DPYD: variants seen among roughly 807,000 people sequenced by gnomAD.
The protein encoded by DPYD is dihydropyrimidine dehydrogenase [NADP(+)].
Under a neutral mutation model 116.2 loss-of-function variants are expected in DPYD, and 109 were observed. The ratio of observed to expected loss-of-function variants is 0.94; its 90% CI spans 0.80 to 1.10. The LOEUF (loss-of-function observed/expected upper bound fraction) is 1.10. Ranked by LOEUF, DPYD falls within the 50% of genes least tolerant of loss-of-function variation. DPYD has a pLI of 0.00. For missense variants in DPYD, 1,302 were observed against 1,254.5 expected (o/e 1.04, Z -0.57); for synonymous variants, 440 against 432.0 (o/e 1.02, Z -0.23).
At chr1:97,543,635 G>A (rs1049679048) in intron 12 of DPYD, among the ~76,000 whole-genome samples, 2 of 152,004 alleles carry the variant, frequency 1.3e-5, no homozygotes, top group Admixed American at 6.6e-5. Context: ...AGACATTACA[G>A]AAATTTTTTT....
chr1:97,252,712 C>T (rs1356816906), intron 18 of DPYD, among the ~76,000 whole-genome samples: 1 of 152,084 alleles, frequency 6.6e-6, no homozygotes, highest in Admixed American at 6.6e-5. Context: ...TAGAAGTCAA[C>T]AGAAATCATA....
rs368752956 is a variant in DPYD at position 97,864,521 on chromosome 1, C to T, written c.150+18743G>A. ...TCTAGTAGGCATCTCTCTCTTTTTT[C>T]TCTCTCTCTCCCCTCCTCCCCCCAC... On this transcript the variant is annotated intron_variant, in intron 2 of 22. Coordinates refer to ENST00000370192, the MANE Select transcript of DPYD (RefSeq NM_000110.4). Among the ~76,000 whole-genome samples, 11 of 151,478 alleles carry T rather than the reference C, an allele frequency of 7.3e-5. No individual in the cohort carries two copies. In the East Asian group the frequency reaches 1.2e-3, roughly 16 times the overall value.
intron 16 of DPYD, among the ~76,000 whole-genome samples, chr1:97,331,777 G>A (rs1669022307): frequency 1.3e-5 from 2 of 152,146 alleles, no homozygotes; most frequent in South Asian, 2.1e-4. Context: ...TAGTGTTTTT[G>A]TTGTTGTTCA....
intron 16 of DPYD, among the ~76,000 whole-genome samples, chr1:97,346,885 A>G (rs1020085001): frequency 6.6e-6 from 1 of 151,902 alleles, no homozygotes; most frequent in African/African-American, 2.4e-5. Context: ...CCAAGTTAAT[A>G]TATGTTAAGT....
chr1:97,544,075 A>T (rs961407176), intron 12 of DPYD, among the ~76,000 whole-genome samples: 5 of 152,178 alleles, frequency 3.3e-5, no homozygotes, highest in African/African-American at 7.2e-5. Context: ...AGTAAAAGTC[A>T]TTGAAGGGTT....
intron 13 of DPYD, among the ~76,000 whole-genome samples, chr1:97,503,812 T>C (rs536495374): frequency 1.3e-5 from 2 of 152,116 alleles, no homozygotes; most frequent in East Asian, 3.9e-4. Context: ...AATCTCTATA[T>C]GCAAATAGTT....
chr1:97,838,474 G>T (rs943547316), intron 2 of DPYD, among the ~76,000 whole-genome samples: 7 of 152,204 alleles, frequency 4.6e-5, no homozygotes, highest in East Asian at 1.9e-4. Flanking sequence ...AACAGAGTCA[G>T]ATTTTTCAAG....
At chr1:97,221,206 TTAA>T (rs1424590769) in intron 19 of DPYD, among the ~76,000 whole-genome samples, 1 of 152,180 alleles carries the variant, frequency 6.6e-6, no homozygotes, top group Admixed American at 6.6e-5. Context: ...GAATCAGCAA[TTAA>T]TAAGTGAAAG....
intron 20 of DPYD, among the ~76,000 whole-genome samples, chr1:97,173,202 G>C (rs530528689): frequency 7.0e-6 from 1 of 142,174 alleles, no homozygotes. Context: ...GTATATATGT[G>C]TACATATATA....
chr1:97,714,655 CAAAAAAAAA>C (rs1193831747), intron 5 of DPYD, among the ~76,000 whole-genome samples: 1 of 49,928 alleles, frequency 2.0e-5, no homozygotes, highest in South Asian at 7.2e-4. Context: ...AAAGAAAAGA[CAAAAAAAAA>C]AAAAAAAAAA....
At chr1:97,418,927 A>G (rs1674430873) in intron 14 of DPYD, among the ~76,000 whole-genome samples, 1 of 152,338 alleles carries the variant, frequency 6.6e-6, no homozygotes, top group African/African-American at 2.4e-5. Flanking sequence ...AAGTATACTG[A>G]AAAAAGGAAA....
At chr1:97,106,182 A>G (rs1346143636) in intron 20 of DPYD, among the ~76,000 whole-genome samples, 1 of 152,122 alleles carries the variant, frequency 6.6e-6, no homozygotes, top group Non-Finnish European at 1.5e-5. Context: ...TAGTGGTAGG[A>G]AAGTGAACTA....
In DPYD at chr1:97,721,599, T is replaced by A. The variant is rs538336580; in HGVS notation, c.394A>T (p.Thr132Ser). ...CATCCACCTACACAAAGATCAGAGG[T>A]TGGACATACCATTCCACAAGTCAGA... The part of the protein sequence containing the change: ...LGLTCGMVCP[T>S]SDLCVGGCNL... Residue 132 changes from threonine to serine, a missense_variant, in exon 5 of 23, where the codon ACC becomes TCC. Physicochemically the swap from Thr to Ser is moderately conservative, Grantham distance 58. Transcript: ENST00000370192. 4.3e-6 allele frequency: 7 copies of A among 1,611,902 alleles called. No homozygotes were observed. In the South Asian group the frequency reaches 6.6e-5, roughly 15 times the overall value.
At chr1:97,211,020 T>TA (rs780190853) in intron 19 of DPYD, among the ~76,000 whole-genome samples, 1 of 152,132 alleles carries the variant, frequency 6.6e-6, no homozygotes, top group South Asian at 2.1e-4. Flanking sequence ...CCTCCTAAAT[T>TA]AATTATCTAC....
intron 13 of DPYD, among the ~76,000 whole-genome samples, chr1:97,473,319 A>G (rs1677763592): frequency 6.6e-6 from 1 of 152,208 alleles, no homozygotes; most frequent in African/African-American, 2.4e-5. Flanking sequence ...TCCTTCTTTT[A>G]TGGCAGAATA....
At chr1:97,260,546 C>T (rs989951518) in intron 18 of DPYD, among the ~76,000 whole-genome samples, 1 of 151,812 alleles carries the variant, frequency 6.6e-6, no homozygotes, top group African/African-American at 2.4e-5. Context: ...TATAAGTATA[C>T]AATTGAAAAA....
At chr1:97,309,713 G>T (rs1454130671) in intron 16 of DPYD, among the ~76,000 whole-genome samples, 1 of 151,600 alleles carries the variant, frequency 6.6e-6, no homozygotes, top group Non-Finnish European at 1.5e-5. Context: ...ATCAAACAAC[G>T]GTGACAACAC....
chr1:97,706,589 G>C (rs1476872378), intron 5 of DPYD, among the ~76,000 whole-genome samples: 2 of 151,938 alleles, frequency 1.3e-5, no homozygotes, highest in Non-Finnish European at 2.9e-5. Flanking sequence ...GCCTTTTCTA[G>C]AATGCCATAC....
intron 2 of DPYD, among the ~76,000 whole-genome samples, chr1:97,860,575 G>C (rs1671066082): frequency 6.6e-6 from 1 of 152,084 alleles, no homozygotes; most frequent in Non-Finnish European, 1.5e-5. Flanking sequence ...AGGCACCTGA[G>C]TACTGGACAA....
Sources: gnomAD v4.1 joint callset for allele counts (sites outside exome capture counted in the v4.1 genomes callset) on GRCh38, gnomAD v4.1.1 for gene constraint, MANE v1.5 for transcripts, NCBI Gene and HGNC (gene_info 2026-07-23, HGNC 2026-07-21) for gene names.